Variants in VAT1L observed in about 807,000 individuals in gnomAD.
The protein encoded by VAT1L is putative NADPH-dependent quinone oxidoreductase VAT1L.
VAT1L carries 34 observed loss-of-function variants against 44.1 expected under a neutral mutation model. That is an observed-to-expected ratio of 0.77 (90% CI 0.59 to 1.03). The LOEUF (loss-of-function observed/expected upper bound fraction) is 1.03. VAT1L is among the 50% of genes least tolerant of loss of function. VAT1L has a pLI of 0.00. For missense variants in VAT1L, 615 were observed against 538.8 expected (o/e 1.14, Z -1.40); for synonymous variants, 253 against 202.2 (o/e 1.25, Z -2.13).
intron 7 of VAT1L, among the ~76,000 whole-genome samples, chr16:77,931,821 T>A (rs2017734968): frequency 6.6e-6 from 1 of 152,214 alleles, no homozygotes; most frequent in South Asian, 2.1e-4. Flanking sequence ...GTAGTAATTA[T>A]ATTTAAGTTC....
chr16:77,838,697 A>G (rs1455175987), intron 3 of VAT1L, among the ~76,000 whole-genome samples: 1 of 144,428 alleles, frequency 6.9e-6, no homozygotes, highest in Non-Finnish European at 1.5e-5. Context: ...CTTTCTGTCC[A>G]TTTCCATCTC....
At chr16:77,798,781 C>G (rs1006415058) in intron 1 of VAT1L, among the ~76,000 whole-genome samples, 1 of 152,126 alleles carries the variant, frequency 6.6e-6, no homozygotes, top group African/African-American at 2.4e-5. Flanking sequence ...AAGGGACAAG[C>G]GAGGAAATGG....
Position 77,977,712 on chromosome 16 carries a change from G to C in VAT1L, c.*17G>C. 1.9e-6 allele frequency: 3 copies of C among 1,611,558 alleles called. No homozygotes were observed. The highest frequency in any genetic ancestry group is 2.5e-6 in the Non-Finnish European group (3 of 1,178,646). ...ATCCAGTAACTGAGGACCCAGGTGG[G>C]AGAATGTGAAGGATGGTTTGGAAGA... is the stretch of plus-strand genomic sequence containing the variant. On this transcript the variant is annotated 3_prime_UTR_variant, in exon 9 of 9. Coordinates refer to ENST00000302536, the MANE Select transcript of VAT1L (RefSeq NM_020927.3).
chr16:77,817,661 C>G (rs1467995925), intron 2 of VAT1L, among the ~76,000 whole-genome samples: 2 of 152,188 alleles, frequency 1.3e-5, no homozygotes, highest in Non-Finnish European at 2.9e-5. Flanking sequence ...TTACATTATG[C>G]TGACTACTTC....
intron 5 of VAT1L, among the ~76,000 whole-genome samples, chr16:77,877,090 T>C (rs1207027270): frequency 2.0e-5 from 3 of 152,136 alleles, no homozygotes; most frequent in Non-Finnish European, 2.9e-5. Context: ...TTCTATGTCT[T>C]AGGAGTGGAA....
rs1483682713 is a variant in VAT1L at position 77,874,850 on chromosome 16, A to AT, written c.723-1520_723-1519insT. Among the ~76,000 whole-genome samples, 4 of 150,366 alleles carry AT rather than the reference A, an allele frequency of 2.7e-5. No individual in the cohort carries two copies. The South Asian group carries it at 6.4e-4, about 24-fold the overall frequency. ...AACAAATTAATTTGTAAAAAAAAAAAAAAAAAAAAAAAAGCCAGTCTGGCT... is the reference window on the plus strand; with the variant it reads ...AACAAATTAATTTGTAAAAAAAAAAATAAAAAAAAAAAAAGCCAGTCTGGCT... On this transcript the variant is annotated intron_variant, in intron 4 of 8. Transcript: ENST00000302536.
At chr16:77,861,815 C>T (rs1176786235) in intron 3 of VAT1L, among the ~76,000 whole-genome samples, 1 of 152,198 alleles carries the variant, frequency 6.6e-6, no homozygotes, top group African/African-American at 2.4e-5. Context: ...CTTCCTTGCT[C>T]ATGGTTGGGA....
intron 3 of VAT1L, among the ~76,000 whole-genome samples, chr16:77,846,338 A>G (rs1229696072): frequency 6.6e-6 from 1 of 152,190 alleles, no homozygotes; most frequent in East Asian, 1.9e-4. Flanking sequence ...TCAGTGAACC[A>G]CAATGACAGA....
At chr16:77,878,482 C>T (rs1260900882) in intron 5 of VAT1L, among the ~76,000 whole-genome samples, 1 of 151,942 alleles carries the variant, frequency 6.6e-6, no homozygotes, top group Non-Finnish European at 1.5e-5. Flanking sequence ...GCCCCGAAAC[C>T]TTATAAAGGG....
At chr16:77,842,899 G>A (rs555056632) in intron 3 of VAT1L, among the ~76,000 whole-genome samples, 5 of 152,036 alleles carry the variant, frequency 3.3e-5, no homozygotes, top group Non-Finnish European at 7.4e-5. Context: ...ATTTTTCCCC[G>A]TTCCATTTTT....
chr16:77,896,345 C>G (rs1037514330), intron 7 of VAT1L, among the ~76,000 whole-genome samples: 2 of 152,102 alleles, frequency 1.3e-5, no homozygotes, highest in Non-Finnish European at 2.9e-5. Context: ...TTAGGAGGTA[C>G]TGCTTTTAGA....
rs182803500 is a variant in VAT1L, at chr16:77,942,668, C to T, written c.1078-29182C>T. 2.6e-4 allele frequency among the ~76,000 whole-genome samples: 39 copies of T among 152,292 alleles called. 1 individual carries two copies. The East Asian group carries it at 6.8e-3, about 26-fold the overall frequency. ...ATCGAGTTGAGGGAGGCCACAGGGTCACTTACATGTGCAGATAGAGCAGTG... is the reference window on the plus strand; with the variant it reads ...ATCGAGTTGAGGGAGGCCACAGGGTTACTTACATGTGCAGATAGAGCAGTG... On this transcript the variant is annotated intron_variant, in intron 7 of 8. Transcript: ENST00000302536.
chr16:77,819,544 G>C (rs1433893964), intron 2 of VAT1L, among the ~76,000 whole-genome samples: 1 of 152,036 alleles, frequency 6.6e-6, no homozygotes, highest in Non-Finnish European at 1.5e-5. Flanking sequence ...ACCACACCTG[G>C]CTAATTTTTT....
At chr16:77,924,814 C>A (rs79076794) in intron 7 of VAT1L, among the ~76,000 whole-genome samples, 1 of 152,104 alleles carries the variant, frequency 6.6e-6, no homozygotes, top group East Asian at 1.9e-4. Flanking sequence ...TTCAATTTTT[C>A]CCCCTCTGTC....
At chr16:77,957,593 C>T (rs1317506126) in intron 7 of VAT1L, among the ~76,000 whole-genome samples, 2 of 151,776 alleles carry the variant, frequency 1.3e-5, no homozygotes, top group African/African-American at 4.8e-5. Flanking sequence ...GGTGTGGTGG[C>T]ACGTGCCTGT....
chr16:77,949,733 A>T (rs886831434), intron 7 of VAT1L, among the ~76,000 whole-genome samples: 2 of 152,212 alleles, frequency 1.3e-5, no homozygotes, highest in African/African-American at 4.8e-5. Context: ...CCAGATGCTC[A>T]ATCTTCCAGC....
intron 3 of VAT1L, among the ~76,000 whole-genome samples, chr16:77,845,964 G>A (rs1162801583): frequency 7.2e-5 from 11 of 152,168 alleles, no homozygotes; most frequent in South Asian, 4.1e-4. Flanking sequence ...GCACTAATGT[G>A]TGCAATTATC....
At chr16:77,871,517 C>T (rs1451969662) in intron 4 of VAT1L, among the ~76,000 whole-genome samples, 1 of 152,130 alleles carries the variant, frequency 6.6e-6, no homozygotes, top group Non-Finnish European at 1.5e-5. Context: ...GCTACTTACC[C>T]TATGAAACCC....
At chr16:77,815,760 G>T (rs1267678744) in intron 1 of VAT1L, among the ~76,000 whole-genome samples, 1 of 151,596 alleles carries the variant, frequency 6.6e-6, no homozygotes, top group Admixed American at 6.6e-5. Context: ...CCTGAGTTAG[G>T]AGTTTGAGAC....
Sources: gnomAD v4.1 joint callset for allele counts (sites outside exome capture counted in the v4.1 genomes callset) on GRCh38, gnomAD v4.1.1 for gene constraint, MANE v1.5 for transcripts, NCBI Gene and HGNC (gene_info 2026-07-23, HGNC 2026-07-21) for gene names.